The following CELF2 variants were observed in gnomAD, a reference collection of about 807,000 sequenced individuals.
The protein encoded by CELF2 is CUG triplet repeat RNA-binding protein 2.
Under a neutral mutation model 62.6 loss-of-function variants are expected in CELF2, and 8 were observed. That is an observed-to-expected ratio of 0.13 (90% CI 0.07 to 0.23). The LOEUF (loss-of-function observed/expected upper bound fraction) is 0.23. Among genes scored for constraint, CELF2 ranks in the 10% least tolerant of loss-of-function variants. The pLI is 1.00. For synonymous variants in CELF2, 258 were observed against 250.0 expected (o/e 1.03, Z -0.30); for missense variants, 333 against 671.0 (o/e 0.50, Z 5.56).
intron 1 of CELF2, among the ~76,000 whole-genome samples, chr10:10,886,429 C>T (rs1429339381): frequency 1.3e-5 from 2 of 152,134 alleles, no homozygotes; most frequent in Non-Finnish European, 2.9e-5. Flanking sequence ...AGGCAAAGTG[C>T]CAACAGAAGG....
rs749780729 is a variant in CELF2, at chr10:11,018,056, C to G, written c.-34C>G. On this transcript the variant is annotated 5_prime_UTR_variant, in exon 1 of 13. Transcript: ENST00000633077. ...GGCCGCTCGGACGCGCGCAGAGCCGCCCCCCGCCGCTGCCGCCGCGTGCGC... is the reference window on the plus strand; with the variant it reads ...GGCCGCTCGGACGCGCGCAGAGCCGGCCCCCGCCGCTGCCGCCGCGTGCGC... 1 of 1,392,186 alleles carries G rather than the reference C, an allele frequency of 7.2e-7. No homozygotes were observed. The highest frequency in any genetic ancestry group is 1.3e-5 in the South Asian group (1 of 75,644). 86.2% of individuals were successfully genotyped at this position (1,392,186 alleles called of 1,614,324 possible). A position where few individuals can be genotyped will look rare whatever the true frequency, so the allele number is the denominator to read the frequency against.
intron 1 of CELF2, among the ~76,000 whole-genome samples, chr10:10,896,285 G>T (rs1318340147): frequency 1.3e-5 from 2 of 152,066 alleles, no homozygotes; most frequent in Non-Finnish European, 2.9e-5. Context: ...CACAATGGAG[G>T]TTATAAGCCA....
At chr10:10,715,143 G>A in the CELF2 span, among the ~76,000 whole-genome samples, 2 of 152,144 alleles carry the variant, frequency 1.3e-5, no homozygotes, top group African/African-American at 4.8e-5. Flanking sequence ...AGCAAAGTAT[G>A]TTAACATTTT....
At chr10:11,005,109 G>A (rs1437175745), upstream of CELF2, 1 of 985,148 alleles carries the variant, frequency 1.0e-6, no homozygotes, top group Non-Finnish European at 1.2e-6. The surrounding 1 kb of genome is among the most constrained non-coding windows in gnomAD (Gnocchi z 4.3). Context: ...GACCCCTATA[G>A]GCAGCACAGT....
rs373743084 is a variant in CELF2, at chr10:11,005,681, A to G, written c.53+241A>G. Among the ~76,000 whole-genome samples, 1 of 152,194 alleles carries G rather than the reference A, an allele frequency of 6.6e-6. No homozygotes were observed. The highest frequency in any genetic ancestry group is 2.4e-5 in the African/African-American group (1 of 41,438). On this transcript the variant is annotated intron_variant, in intron 1 of 12. Coordinates refer to the CELF2 transcript ENST00000416382. This position sits in a 1 kb window ranked among gnomAD's most constrained non-coding sequence, Gnocchi z 4.3. Reference sequence around the variant, plus strand: ...TTTGTACTAGTTGCCTTTTGAAAGCATATCATGTATTTGCTCACTGCTATT... The same window carrying G: ...TTTGTACTAGTTGCCTTTTGAAAGCGTATCATGTATTTGCTCACTGCTATT...
rs77431498 is a variant in CELF2 at position 10,939,277 on chromosome 10, GTGT to G, written c.89+19305_89+19307del. ...AATTAGCAAGTTCTTTTGTTTTGTG[GTGT>G]TGTTGTTGTTGTTGTTGTTGTTGTT... On this transcript the variant is annotated intron_variant, in intron 2 of 13. Transcript: ENST00000636488. Among the ~76,000 whole-genome samples, 265 of 144,320 alleles carry G rather than the reference GTGT, an allele frequency of 1.8e-3. 1 individual carries two copies. Among genetic ancestry groups the G allele is most frequent in the Admixed American group, 0.01 (150 of 14,586 alleles). The allele number at this position is 144,320 out of a possible 152,430, so 94.7% of individuals were successfully genotyped here. A position where few individuals can be genotyped will look rare whatever the true frequency, so the allele number is the denominator to read the frequency against.
At chr10:10,752,649 C>T in the CELF2 span, among the ~76,000 whole-genome samples, 6 of 136,662 alleles carry the variant, frequency 4.4e-5, no homozygotes, top group African/African-American at 1.7e-4. Context: ...GAGATTGCAC[C>T]ACTGCACTCC....
intron 1 of CELF2, among the ~76,000 whole-genome samples, chr10:11,053,565 T>TA (rs200996036): frequency 0.052 from 7,736 of 150,028 alleles, 232 homozygotes; most frequent in Non-Finnish European, 0.064. Flanking sequence ...CACACATTTT[T>TA]TAAAAAAAAA....
At chr10:10,495,166 A>G in the CELF2 span, among the ~76,000 whole-genome samples, 1 of 152,140 alleles carries the variant, frequency 6.6e-6, no homozygotes, top group Non-Finnish European at 1.5e-5. Flanking sequence ...CTGTAGTCCC[A>G]GCTACTCGGG....
chr10:10,914,432 C>T (rs1034876374), intron 1 of CELF2, among the ~76,000 whole-genome samples: 20 of 152,216 alleles, frequency 1.3e-4, no homozygotes, highest in African/African-American at 4.8e-4. Flanking sequence ...TGGCATCACG[C>T]TTTGCACTGA....
chr10:10,841,856 G>A (rs1390225554), intron 1 of CELF2, among the ~76,000 whole-genome samples: 3 of 152,000 alleles, frequency 2.0e-5, no homozygotes, highest in African/African-American at 7.2e-5. Flanking sequence ...TACTGAAATT[G>A]CATTGAATCT....
intron 1 of CELF2, among the ~76,000 whole-genome samples, chr10:11,142,614 G>A (rs2061536417): frequency 6.6e-6 from 1 of 150,642 alleles, no homozygotes; most frequent in African/African-American, 2.5e-5. Flanking sequence ...AACCCGGGAG[G>A]TAGGGCTTGC....
In CELF2 at chr10:11,227,552, G is replaced by A. The variant is rs560646602; in HGVS notation, c.354+10045G>A. On this transcript the variant is annotated intron_variant, in intron 3 of 12. Transcript: ENST00000633077. This position sits in a 1 kb window ranked among gnomAD's most constrained non-coding sequence, Gnocchi z 4.8. ...GGCTGAGCACTGGCTGCGATATTAG[G>A]GCCAGTTCTGGGTTGGCTCTGTCTA... is the stretch of plus-strand genomic sequence containing the variant. 1.8e-4 allele frequency among the ~76,000 whole-genome samples: 27 copies of A among 152,288 alleles called. No homozygotes were observed. The South Asian group carries it at 5.6e-3, about 32-fold the overall frequency.
intron 1 of CELF2, among the ~76,000 whole-genome samples, chr10:11,149,328 C>T (rs1196391735): frequency 1.3e-5 from 2 of 152,162 alleles, no homozygotes; most frequent in Non-Finnish European, 2.9e-5. Context: ...CCTCAGCCTC[C>T]CAAAGTGCTG....
chr10:11,331,255 A>T lies in CELF2; in HGVS notation c.*2202A>T, dbSNP rs2096008365. 1 of 151,944 alleles carries T rather than the reference A, an allele frequency of 6.6e-6. No homozygotes were observed. The allele number at this position is 151,944 out of a possible 1,614,324, so 9.4% of individuals were successfully genotyped here. A position where few individuals can be genotyped will look rare whatever the true frequency, so the allele number is the denominator to read the frequency against. On this transcript the variant is annotated 3_prime_UTR_variant, in exon 13 of 13. Coordinates refer to ENST00000633077, the MANE Select transcript of CELF2 (RefSeq NM_001326342.2). ...AGTCTTAATGTTCTTTGTTGATAAG[A>T]CAAGTTTAGAATTGGTTTACTTAAT...
intron 1 of CELF2, among the ~76,000 whole-genome samples, chr10:10,915,508 T>A (rs1371570969): frequency 6.6e-6 from 1 of 151,952 alleles, no homozygotes; most frequent in Non-Finnish European, 1.5e-5. Context: ...TGGGCTCAAG[T>A]GCTTCTCCCA....
At chr10:10,475,040 A>G in the CELF2 span, among the ~76,000 whole-genome samples, 1 of 152,146 alleles carries the variant, frequency 6.6e-6, no homozygotes, top group Admixed American at 6.6e-5. Flanking sequence ...TGCCAAGTTC[A>G]GAATGTCCAA....
chr10:10,480,873 T>C, the CELF2 span, among the ~76,000 whole-genome samples: 818 of 152,338 alleles, frequency 5.4e-3, 7 homozygotes, highest in Middle Eastern at 0.014. Flanking sequence ...AATTTTATTT[T>C]AGTTGGTGTT....
chr10:10,483,214 C>CAAAAA, the CELF2 span, among the ~76,000 whole-genome samples: 27 of 93,384 alleles, frequency 2.9e-4, no homozygotes, highest in South Asian at 3.7e-4. Context: ...GGCAGAATAC[C>CAAAAA]AAAAAAAAAA....
Sources: gnomAD v4.1 joint callset for allele counts (sites outside exome capture counted in the v4.1 genomes callset) on GRCh38, gnomAD v4.1.1 for gene constraint, Gnocchi (gnomAD v3.1) non-coding constraint, MANE v1.5 for transcripts, NCBI Gene and HGNC (gene_info 2026-07-23, HGNC 2026-07-21) for gene names.